The following PPP1R1C variants were observed in gnomAD, a reference collection of about 807,000 sequenced individuals.
The protein encoded by PPP1R1C is protein phosphatase 1 regulatory subunit 1C.
Under a neutral mutation model 17.4 loss-of-function variants are expected in PPP1R1C, and 15 were observed. That is an observed-to-expected ratio of 0.86 (90% CI 0.58 to 1.33). The LOEUF is 1.33. Among genes scored for constraint, PPP1R1C ranks in the 40% most tolerant of loss-of-function variants. The probability of loss-of-function intolerance (pLI) is 0.00; values close to 1 mark genes in which losing one functional copy is unlikely to be tolerated. For synonymous variants in PPP1R1C, 35 were observed against 43.1 expected (o/e 0.81, Z 0.73); for missense variants, 143 against 130.0 (o/e 1.10, Z -0.48).
At chr2:182,059,551 A>T (rs907874227) in intron 2 of PPP1R1C, among the ~76,000 whole-genome samples, 1 of 152,148 alleles carries the variant, frequency 6.6e-6, no homozygotes, top group African/African-American at 2.4e-5. Context: ...AGAGCTGGCA[A>T]CTATGATCTG....
chr2:181,985,161 G>A (rs550014066), upstream of PPP1R1C, among the ~76,000 whole-genome samples: 3 of 152,286 alleles, frequency 2.0e-5, no homozygotes, highest in African/African-American at 7.2e-5. This position sits in a 1 kb window ranked among gnomAD's most constrained non-coding sequence, Gnocchi z 4.1. Flanking sequence ...TAAAATAGAG[G>A]TCATTGAAGC....
intron 4 of PPP1R1C, among the ~76,000 whole-genome samples, chr2:182,077,260 C>CT (rs1258736991): frequency 6.7e-6 from 1 of 149,708 alleles, no homozygotes; most frequent in East Asian, 1.9e-4. Flanking sequence ...CATAAACTTA[C>CT]TTTTTTTGGA....
intron 2 of PPP1R1C, among the ~76,000 whole-genome samples, chr2:181,997,111 C>T (rs1414155461): frequency 6.6e-6 from 1 of 151,948 alleles, no homozygotes; most frequent in African/African-American, 2.4e-5. Flanking sequence ...CGCCTGTTGT[C>T]CCAGCTACTC....
At chr2:182,105,133 T>C (rs1689206531) in intron 4 of PPP1R1C, among the ~76,000 whole-genome samples, 1 of 152,188 alleles carries the variant, frequency 6.6e-6, no homozygotes, top group African/African-American at 2.4e-5. Context: ...TGGGTGCAGA[T>C]TCAAATATAT....
chr2:182,126,819 G>T (rs1205194110), intron 5 of PPP1R1C, among the ~76,000 whole-genome samples: 2 of 151,924 alleles, frequency 1.3e-5, no homozygotes, highest in Non-Finnish European at 2.9e-5. Context: ...GGTGTATAGA[G>T]GGAAGATGAA....
downstream of PPP1R1C, among the ~76,000 whole-genome samples, chr2:182,119,744 G>C (rs529895816): frequency 2.6e-5 from 4 of 152,290 alleles, no homozygotes; most frequent in South Asian, 2.1e-4. Flanking sequence ...GCCACTTTTT[G>C]ATGGGGTTGT....
chr2:182,003,863 C>T (rs915742343), intron 2 of PPP1R1C, among the ~76,000 whole-genome samples: 1 of 152,118 alleles, frequency 6.6e-6, no homozygotes, highest in Non-Finnish European at 1.5e-5. Context: ...AAATCAGGTA[C>T]ACAGTAAAAT....
In PPP1R1C at chr2:182,097,747, C is replaced by G. The variant is rs76700098; in HGVS notation, c.242-19460C>G. Among the ~76,000 whole-genome samples, 29 of 152,266 alleles carry G rather than the reference C, an allele frequency of 1.9e-4. No individual in the cohort carries two copies. The East Asian group carries it at 3.7e-3, about 19-fold the overall frequency. The stretch of plus-strand genomic sequence containing the variant: ...CTATTTCAGTCTTCCCAGAATGACT[C>G]TCATAAAACCTAGATTATGATTCTC... On this transcript the variant is annotated intron_variant, in intron 4 of 4. Transcript: ENST00000682840.
intron 4 of PPP1R1C, among the ~76,000 whole-genome samples, chr2:182,074,190 C>T (rs1688225544): frequency 1.3e-5 from 2 of 151,764 alleles, no homozygotes; most frequent in Admixed American, 6.6e-5. Flanking sequence ...TACAGGCGCC[C>T]GCCATCACGC....
chr2:182,114,407 G>T (rs947529838), intron 4 of PPP1R1C, among the ~76,000 whole-genome samples: 1 of 152,024 alleles, frequency 6.6e-6, no homozygotes, highest in Non-Finnish European at 1.5e-5. Flanking sequence ...TCAAATGGGG[G>T]TTTAAAGAAA....
intron 1 of PPP1R1C, among the ~76,000 whole-genome samples, chr2:181,956,794 T>C (rs929731462): frequency 6.6e-6 from 1 of 152,258 alleles, no homozygotes; most frequent in South Asian, 2.1e-4. Flanking sequence ...ATTTAACATA[T>C]TTTTGCATGT....
At chr2:182,074,898 G>A (rs1356097570) in intron 4 of PPP1R1C, among the ~76,000 whole-genome samples, 1 of 152,146 alleles carries the variant, frequency 6.6e-6, no homozygotes, top group Non-Finnish European at 1.5e-5. Context: ...GCAACATTCT[G>A]AGATCTGTGT....
intron 1 of PPP1R1C, among the ~76,000 whole-genome samples, chr2:181,960,825 C>T (rs190271801): frequency 8.5e-5 from 13 of 152,314 alleles, no homozygotes; most frequent in Non-Finnish European, 1.6e-4. Context: ...TAAAGTACAA[C>T]GTAATCAAAT....
chr2:182,020,134 A>T (rs550770038), intron 2 of PPP1R1C, among the ~76,000 whole-genome samples: 1 of 152,242 alleles, frequency 6.6e-6, no homozygotes, highest in Non-Finnish European at 1.5e-5. Flanking sequence ...TTAAAGGACT[A>T]CAGTGCCCTA....
At chr2:182,066,391 A>T (rs1334939677) in intron 4 of PPP1R1C, among the ~76,000 whole-genome samples, 1 of 152,134 alleles carries the variant, frequency 6.6e-6, no homozygotes, top group Non-Finnish European at 1.5e-5. Context: ...CATAGATAAG[A>T]TAAACCTATT....
intron 2 of PPP1R1C, among the ~76,000 whole-genome samples, chr2:182,056,565 A>C (rs980858010): frequency 6.6e-6 from 1 of 152,148 alleles, no homozygotes; most frequent in African/African-American, 2.4e-5. Context: ...TGAAGATTCA[A>C]GTGACCCTCT....
intron 4 of PPP1R1C, among the ~76,000 whole-genome samples, chr2:182,077,772 C>G (rs945088869): frequency 6.6e-6 from 1 of 152,194 alleles, no homozygotes; most frequent in African/African-American, 2.4e-5. Flanking sequence ...AACAGAAGCA[C>G]TTCACACTCA....
At chr2:181,996,527 TA>T (rs1231016632) in intron 2 of PPP1R1C, among the ~76,000 whole-genome samples, 1 of 152,220 alleles carries the variant, frequency 6.6e-6, no homozygotes, top group African/African-American at 2.4e-5. Flanking sequence ...AATAATTTGA[TA>T]TAGTAAAAAT....
At chr2:181,983,207 A>C (rs527890239), upstream of PPP1R1C, among the ~76,000 whole-genome samples, 5 of 152,326 alleles carry the variant, frequency 3.3e-5, no homozygotes, top group African/African-American at 1.2e-4. Context: ...TATAGTGGCC[A>C]TCATGATGCT....
Sources: gnomAD v4.1 joint callset for allele counts (sites outside exome capture counted in the v4.1 genomes callset) on GRCh38, gnomAD v4.1.1 for gene constraint, Gnocchi (gnomAD v3.1) non-coding constraint, MANE v1.5 for transcripts, NCBI Gene and HGNC (gene_info 2026-07-23, HGNC 2026-07-21) for gene names.